PRTG: variants seen among roughly 807,000 people sequenced by gnomAD.
PRTG encodes the protein immunoglobulin superfamily, DCC subclass, member 5.
In PRTG, 67 loss-of-function variants were observed where a neutral mutation model predicts 122.5. The ratio of observed to expected loss-of-function variants is 0.55; its 90% CI spans 0.45 to 0.67. The LOEUF (loss-of-function observed/expected upper bound fraction) is 0.67. PRTG is among the 30% of genes least tolerant of loss of function. PRTG has a pLI of 0.00. For synonymous variants in PRTG, 554 were observed against 501.1 expected (o/e 1.11, Z -1.41); for missense variants, 1,435 against 1,415.4 (o/e 1.01, Z -0.22).
intron 11 of PRTG, among the ~76,000 whole-genome samples, chr15:55,654,206 C>T (rs59196369): frequency 0.013 from 2,046 of 152,276 alleles, 54 homozygotes; most frequent in African/African-American, 0.048. Flanking sequence ...TGAGTCTCTC[C>T]ACTGCACTAC....
intron 11 of PRTG, among the ~76,000 whole-genome samples, chr15:55,643,003 G>C (rs1310815713): frequency 6.6e-6 from 1 of 152,132 alleles, no homozygotes; most frequent in Admixed American, 6.5e-5. Flanking sequence ...AGCCCAGGAG[G>C]TGGAGACTGT....
In PRTG at chr15:55,628,945, T is replaced by A. The variant is rs745603875; in HGVS notation, c.2683A>T (p.Ile895Leu). 1.9e-6 allele frequency: 3 copies of A among 1,614,024 alleles called. No homozygotes were observed. In the South Asian group the frequency reaches 3.3e-5, roughly 18 times the overall value. The change falls in exon 16 of 20, where the codon ATA becomes TTA. Residue 895 changes from isoleucine (I) to leucine (L), a missense_variant. By Grantham distance (5) the Ile-to-Leu change is conservative. Transcript: ENST00000389286. Reference sequence around the variant, plus strand: ...TCTCCCACCTCATTGGATGCAGATATCTTGACAATGTACACATTTCCTGCT... The same window carrying A: ...TCTCCCACCTCATTGGATGCAGATAACTTGACAATGTACACATTTCCTGCT... ...LVAGNVYIVK[I>L]SASNEVGEGP...
rs1217019152 is a variant in PRTG at position 55,675,591 on chromosome 15, A to G, written c.1474T>C (p.Tyr492His). The change falls in exon 9 of 20, where the codon TAC (tyrosine) becomes CAC (histidine). Residue 492 changes from tyrosine (Y) to histidine (H), a missense_variant. Transcript: ENST00000389286. ...DLEPASNYTF[Y>H]IVAYMPMGAS... Reference sequence around the variant, plus strand: ...CCCATTGGCATATATGCTACAATGTAGAAAGTATAATTGCTGGCAGGCTCT... The same window carrying G: ...CCCATTGGCATATATGCTACAATGTGGAAAGTATAATTGCTGGCAGGCTCT... 1 of 1,610,780 alleles carries G rather than the reference A, an allele frequency of 6.2e-7. No homozygotes were observed. Among genetic ancestry groups the G allele is most frequent in the Non-Finnish European group, 8.5e-7 (1 of 1,177,316 alleles).
intron 11 of PRTG, 152 bp from the exon 12 acceptor site, chr15:55,641,360 C>G: frequency 1.7e-6 from 1 of 599,964 alleles, no homozygotes; most frequent in Non-Finnish European, 3.0e-6. Context: ...ACTCAGCAAT[C>G]CACCTTCGTA....
At chr15:55,622,342 C>T (rs866380105) in intron 18 of PRTG, among the ~76,000 whole-genome samples, 2 of 151,204 alleles carry the variant, frequency 1.3e-5, no homozygotes, top group South Asian at 2.1e-4. Context: ...CTCAGCCTCC[C>T]GAGTAGCTGG....
intron 18 of PRTG, among the ~76,000 whole-genome samples, chr15:55,621,047 A>G (rs990120896): frequency 2.6e-5 from 4 of 152,156 alleles, no homozygotes; most frequent in African/African-American, 9.7e-5. Context: ...AGATGTGATC[A>G]TTTCTTCTTT....
chr15:55,639,119 G>A (rs922087986), intron 13 of PRTG, among the ~76,000 whole-genome samples: 2 of 152,234 alleles, frequency 1.3e-5, no homozygotes, highest in Admixed American at 6.5e-5. Context: ...CTACAGGCAT[G>A]CACCACTATA....
Position 55,638,955 on chromosome 15 carries a change from ATCATTCATTCAT to A in PRTG, c.2325-291_2325-280del, listed in dbSNP as rs56726387. ...TTTCCTCTGAAATACTGGAAGTCAAATCATTCATTCATTCATTCATTCATTCATTCATTCATG... is the reference window on the plus strand; with the variant it reads ...TTTCCTCTGAAATACTGGAAGTCAAATCATTCATTCATTCATTCATTCATG... On this transcript the variant is annotated intron_variant, in intron 13 of 19. Coordinates refer to ENST00000389286, the MANE Select transcript of PRTG (RefSeq NM_173814.6). 8.8e-3 allele frequency among the ~76,000 whole-genome samples: 1,312 copies of A among 148,344 alleles called. 16 individuals carry two copies. Among genetic ancestry groups the A allele is most frequent in the African/African-American group, 0.028 (1,106 of 39,434 alleles).
At chr15:55,670,733 C>G (rs974481817) in intron 11 of PRTG, among the ~76,000 whole-genome samples, 1 of 152,120 alleles carries the variant, frequency 6.6e-6, no homozygotes, top group African/African-American at 2.4e-5. Context: ...AAACCCCCGT[C>G]TCTGCTAAAA....
At position 55,664,381 on chromosome 15, in the gene PRTG, G is replaced by A. The variant is rs943325771; in HGVS notation, c.2041+8064C>T. ...TGGTCTTGAACTCCCGACCTCAGGT[G>A]ATCCACCCGCCTCGATCTCCCAAAG... On this transcript the variant is annotated intron_variant, in intron 11 of 19. Transcript: ENST00000389286. Among the ~76,000 whole-genome samples, 15 of 152,164 alleles carry A rather than the reference G, an allele frequency of 9.9e-5. No homozygotes were observed. The East Asian group carries it at 2.9e-3, about 30-fold the overall frequency.
chr15:55,621,351 A>T (rs1031222323), intron 18 of PRTG, among the ~76,000 whole-genome samples: 1 of 147,684 alleles, frequency 6.8e-6, no homozygotes, highest in African/African-American at 2.5e-5. Flanking sequence ...GCTCCGTCTC[A>T]AAAAAAACAA....
At chr15:55,625,197 A>AC (rs2059188045) in intron 17 of PRTG, among the ~76,000 whole-genome samples, 1 of 152,230 alleles carries the variant, frequency 6.6e-6, no homozygotes, top group Admixed American at 6.5e-5. Context: ...AAAAGGCTAA[A>AC]AATAGACAAG....
chr15:55,626,221 G>A (rs1055983361), intron 17 of PRTG, among the ~76,000 whole-genome samples: 22 of 152,068 alleles, frequency 1.4e-4, no homozygotes, highest in Non-Finnish European at 5.9e-5. Context: ...TTCAAGACCA[G>A]CCTGGCCAAC....
At position 55,672,442 on chromosome 15, in the gene PRTG, C is replaced by T; in HGVS notation, c.2041+3G>A. Reference sequence around the variant, plus strand: ...GGGAAAAATACAGTACAAACTCACTCACCTAAGCCACTGAGAGTATAGAGT... The same window carrying T: ...GGGAAAAATACAGTACAAACTCACTTACCTAAGCCACTGAGAGTATAGAGT... On this transcript the variant is annotated splice_donor_region_variant and intron_variant, in intron 11 of 19. Coordinates refer to ENST00000389286, the MANE Select transcript of PRTG (RefSeq NM_173814.6). 6.2e-7 allele frequency: 1 copy of T among 1,609,780 alleles called. No homozygotes were observed. The highest frequency in any genetic ancestry group is 8.5e-7 in the Non-Finnish European group (1 of 1,177,876).
intron 2 of PRTG, among the ~76,000 whole-genome samples, chr15:55,710,748 T>C (rs960575302): frequency 5.3e-5 from 8 of 152,184 alleles, no homozygotes; most frequent in Admixed American, 2.6e-4. Context: ...GATCAACTTA[T>C]ATAGAATATA....
At chr15:55,672,656 G>A in intron 10 of PRTG, 23 bp from the exon 11 acceptor site, 1 of 1,583,368 alleles carries the variant, frequency 6.3e-7, no homozygotes, top group Non-Finnish European at 8.6e-7. Context: ...ATCAGAAAAT[G>A]TATGTATAAA....
At position 55,726,641 on chromosome 15, in the gene PRTG, CAA is replaced by C. The variant is rs201283767; in HGVS notation, c.397+13739_397+13740del. Reference sequence around the variant, plus strand: ...TGTTAACAAGAGCGAATCTTCGTCTCAAAAAAAAAAAAAAAATAGATTAAAAT... The same window carrying C: ...TGTTAACAAGAGCGAATCTTCGTCTCAAAAAAAAAAAAAATAGATTAAAAT... On this transcript the variant is annotated intron_variant, in intron 2 of 19. Transcript: ENST00000389286. Among the ~76,000 whole-genome samples, 302 of 93,830 alleles carry C rather than the reference CAA, an allele frequency of 3.2e-3. 1 individual carries two copies. Among genetic ancestry groups the C allele is most frequent in the African/African-American group, 7.6e-3 (224 of 29,498 alleles). 61.6% of individuals were successfully genotyped at this position (93,830 alleles called of 152,430 possible). A position where few individuals can be genotyped will look rare whatever the true frequency, so the allele number is the denominator to read the frequency against.
intron 2 of PRTG, among the ~76,000 whole-genome samples, chr15:55,737,033 T>G (rs1376136379): frequency 6.6e-6 from 1 of 152,168 alleles, no homozygotes; most frequent in African/African-American, 2.4e-5. Flanking sequence ...ATTTCAACAT[T>G]AAGAATACAA....
chr15:55,620,944 G>A (rs548345563), intron 18 of PRTG, among the ~76,000 whole-genome samples, 177 bp from the exon 19 acceptor site: 1 of 152,278 alleles, frequency 6.6e-6, no homozygotes, highest in Admixed American at 6.5e-5. Context: ...GGTACATATT[G>A]TGTGGTAGTG....
Sources: allele counts gnomAD v4.1 joint callset (sites outside exome capture counted in the v4.1 genomes callset), GRCh38; gene constraint gnomAD v4.1.1; transcripts MANE v1.5; gene names NCBI Gene and HGNC (gene_info 2026-07-23, HGNC 2026-07-21).